LPIN2: variants seen among roughly 807,000 people sequenced by gnomAD.
LPIN2 encodes the protein lipin 2.
A neutral mutation model predicts 111.4 loss-of-function variants in LPIN2; 55 were observed. The observed-to-expected ratio is 0.49, with a 90% CI of 0.40 to 0.62. The LOEUF is 0.62. Ranked by LOEUF, LPIN2 falls within the 20% of genes least tolerant of loss-of-function variation. LPIN2 has a pLI of 0.00. For synonymous variants in LPIN2, 425 were observed against 414.0 expected (o/e 1.03, Z -0.32); for missense variants, 992 against 1,112.1 (o/e 0.89, Z 1.54).
At chr18:2,977,326 A>G (rs2078036994) in intron 1 of LPIN2, 1 of 152,212 alleles carries the variant, frequency 6.6e-6, no homozygotes, top group South Asian at 2.1e-4. Context: ...TTTAAAGTAC[A>G]TACACAGGTA....
chr18:2,944,333 CTTTTTTTTTTTTTTTTTTTTTTT>C (rs768515839), intron 4 of LPIN2, among the ~76,000 whole-genome samples: 13 of 51,304 alleles, frequency 2.5e-4, no homozygotes, highest in African/African-American at 3.3e-4. Context: ...TTTCCACAAA[CTTTTTTTTTTTTTTTTTTTTTTT>C]TTTTTTTTTT....
intron 2 of LPIN2, among the ~76,000 whole-genome samples, chr18:2,956,044 T>C (rs942726251): frequency 1.3e-5 from 2 of 152,130 alleles, no homozygotes; most frequent in Admixed American, 6.6e-5. Context: ...ACTTGTATTA[T>C]AAGTCTAAAG....
chr18:2,999,116 T>C (rs904902577), intron 1 of LPIN2, among the ~76,000 whole-genome samples: 17 of 152,248 alleles, frequency 1.1e-4, no homozygotes, highest in Non-Finnish European at 1.3e-4. Context: ...TCACATGTGT[T>C]ATCCCCACTC....
intron 1 of LPIN2, among the ~76,000 whole-genome samples, chr18:2,999,939 A>T (rs536463253): frequency 6.6e-6 from 1 of 152,304 alleles, no homozygotes; most frequent in Admixed American, 6.5e-5. Context: ...CTGTAATCCC[A>T]GCACTTCAGG....
chr18:2,958,746 T>C (rs967269437), intron 2 of LPIN2, among the ~76,000 whole-genome samples: 2 of 152,176 alleles, frequency 1.3e-5, no homozygotes, highest in African/African-American at 4.8e-5. Flanking sequence ...ACACAACGAT[T>C]GTGTAGCTTT....
chr18:2,930,230 G>A (rs1184867640), intron 9 of LPIN2, among the ~76,000 whole-genome samples: 1 of 152,106 alleles, frequency 6.6e-6, no homozygotes, highest in Non-Finnish European at 1.5e-5. Context: ...TAAAACAAAG[G>A]TGTAACTTTT....
chr18:2,971,903 C>G (rs1012365313), intron 1 of LPIN2, among the ~76,000 whole-genome samples: 2 of 151,866 alleles, frequency 1.3e-5, no homozygotes, highest in African/African-American at 4.8e-5. Context: ...AAAAATTAGC[C>G]AGGCATGGTG....
rs1598516495 is a variant in LPIN2 at position 2,920,110 on chromosome 18, G to C, written c.*183C>G. 6.8e-6 allele frequency: 5 copies of C among 733,602 alleles called. No homozygotes were observed. Among genetic ancestry groups the C allele is most frequent in the Non-Finnish European group, 1.1e-5 (5 of 438,478 alleles). 45.4% of individuals were successfully genotyped at this position (733,602 alleles called of 1,614,324 possible). A position where few individuals can be genotyped will look rare whatever the true frequency, so the allele number is the denominator to read the frequency against. ...TTCCTCCCTTCTCCTTCCAGGAGCT[G>C]AGCTGCAGACCTGCCGAGCCTGAGC... On this transcript the variant is annotated 3_prime_UTR_variant, in exon 20 of 20. Coordinates refer to ENST00000677752, the MANE Select transcript of LPIN2 (RefSeq NM_001375808.2).
rs945725583 is a variant in LPIN2 at position 2,974,300 on chromosome 18, G to A, written c.-9-13451C>T. 7.1e-4 allele frequency among the ~76,000 whole-genome samples: 108 copies of A among 152,168 alleles called. 1 individual carries two copies. Among genetic ancestry groups the A allele is most frequent in the African/African-American group, 2.2e-3 (92 of 41,512 alleles). On this transcript the variant is annotated intron_variant, in intron 1 of 19. Transcript: ENST00000677752. ...TCACCGTGTTAGCCAGGATGGTCTC[G>A]ATCTCCTGACCTCGCGATCCGCCCG...
At chr18:2,979,397 G>T (rs990957627) in intron 1 of LPIN2, among the ~76,000 whole-genome samples, 1 of 152,104 alleles carries the variant, frequency 6.6e-6, no homozygotes, top group Admixed American at 6.5e-5. Context: ...CCATTTGCTG[G>T]ATATCTGCCC....
intron 1 of LPIN2, among the ~76,000 whole-genome samples, 176 bp downstream of exon 1, chr18:3,012,911 G>A (rs1567871948): frequency 6.6e-6 from 1 of 151,460 alleles, no homozygotes; most frequent in Non-Finnish European, 1.5e-5. Context: ...GGGACGCGAG[G>A]ACCGGGAAGC....
chr18:2,950,908 C>A (rs919574287), intron 4 of LPIN2, 147 bp downstream of exon 4: 5 of 792,158 alleles, frequency 6.3e-6, no homozygotes, highest in Admixed American at 4.1e-5. Flanking sequence ...AAAGAAACTG[C>A]CTTTGCTGCT....
intron 1 of LPIN2, among the ~76,000 whole-genome samples, chr18:2,988,384 A>G (rs924694931): frequency 1.3e-5 from 2 of 152,266 alleles, no homozygotes; most frequent in African/African-American, 4.8e-5. Context: ...AGTGTTATGA[A>G]GAATTTTATT....
intron 18 of LPIN2, 37 bp from the exon 19 acceptor site, chr18:2,920,918 G>A (rs1288585240): frequency 1.5e-6 from 2 of 1,305,996 alleles, no homozygotes; most frequent in Non-Finnish European, 2.2e-6. Context: ...ATTCCAGGGA[G>A]GAGAATTCAG....
chr18:2,945,873 C>T, intron 4 of LPIN2: 1 of 1,470,342 alleles, frequency 6.8e-7, no homozygotes, highest in Non-Finnish European at 9.5e-7. Flanking sequence ...AACTTTTTTC[C>T]CAGCATCTTT....
rs1161387171 is a variant in LPIN2, at chr18:2,919,643, TGA to T, written c.*648_*649del. 3.8e-5 allele frequency: 6 copies of T among 156,450 alleles called. No homozygotes were observed. The highest frequency in any genetic ancestry group is 9.7e-5 in the African/African-American group (4 of 41,426). The allele number at this position is 156,450 out of a possible 1,614,324, so 9.7% of individuals were successfully genotyped here. ...TAAGGGCTCGTGGAGTTGTCACAGA[TGA>T]GAGGAGGATGCTCTGTGGGGATCTT... On this transcript the variant is annotated 3_prime_UTR_variant, in exon 20 of 20. Transcript: ENST00000677752.
intron 1 of LPIN2, among the ~76,000 whole-genome samples, chr18:2,992,855 G>T (rs561430817): frequency 6.6e-6 from 1 of 151,920 alleles, no homozygotes; most frequent in Non-Finnish European, 1.5e-5. Flanking sequence ...GCCTGGTGGC[G>T]GGCGCCTGTA....
chr18:3,004,428 T>G (rs1313532097), intron 1 of LPIN2, among the ~76,000 whole-genome samples: 1 of 152,124 alleles, frequency 6.6e-6, no homozygotes, highest in Non-Finnish European at 1.5e-5. Flanking sequence ...CGGCCAACAC[T>G]TAGGGAAAAC....
intron 3 of LPIN2, 129 bp downstream of exon 3, chr18:2,954,375 T>C: frequency 1.4e-6 from 1 of 705,962 alleles, no homozygotes. Flanking sequence ...AACATGAAAC[T>C]AAAGCTTGTC....
Sources: gnomAD v4.1 joint callset for allele counts (sites outside exome capture counted in the v4.1 genomes callset) on GRCh38, gnomAD v4.1.1 for gene constraint, MANE v1.5 for transcripts, NCBI Gene and HGNC (gene_info 2026-07-23, HGNC 2026-07-21) for gene names.